SAMMSON: variants seen among roughly 807,000 people sequenced by gnomAD.
SAMMSON encodes the protein survival associated mitochondrial melanoma specific oncogenic non-coding RNA, also known as long intergenic non-protein coding RNA 1212.
intron 4 of SAMMSON, among the ~76,000 whole-genome samples, chr3:70,106,658 A>C (rs921745051): frequency 3.3e-4 from 50 of 151,996 alleles, no homozygotes; most frequent in African/African-American, 1.2e-3. Context: ...CATTTGTAAC[A>C]AGCTCCCAGG....
chr3:70,089,787 T>A (rs1443700340), intron 4 of SAMMSON, among the ~76,000 whole-genome samples: 2 of 152,100 alleles, frequency 1.3e-5, no homozygotes, highest in African/African-American at 4.8e-5. Flanking sequence ...TCGCAAGGTT[T>A]AAAAAAAGTA....
At chr3:70,357,231 G>A (rs1206582870) in intron 8 of SAMMSON, among the ~76,000 whole-genome samples, 4 of 152,014 alleles carry the variant, frequency 2.6e-5, no homozygotes, top group Admixed American at 6.6e-5. Context: ...TTCAGCTTCC[G>A]TTTTCCTGAT....
chr3:70,029,062 T>C (rs1390069960), intron 3 of SAMMSON, among the ~76,000 whole-genome samples: 1 of 152,210 alleles, frequency 6.6e-6, no homozygotes, highest in African/African-American at 2.4e-5. Flanking sequence ...TTATACCATA[T>C]TGCAGGTGCA....
intron 4 of SAMMSON, among the ~76,000 whole-genome samples, chr3:70,088,126 G>A (rs2067292355): frequency 6.6e-6 from 1 of 152,060 alleles, no homozygotes; most frequent in South Asian, 2.1e-4. Context: ...CTTCACTTAG[G>A]GTCTCCAAAT....
chr3:70,399,877 A>AAC lies in SAMMSON; in HGVS notation n.233+41553_233+41554insAC, dbSNP rs1553662533. Among the ~76,000 whole-genome samples, 8 of 149,106 alleles carry AAC rather than the reference A, an allele frequency of 5.4e-5. No individual in the cohort carries two copies. The East Asian group carries it at 1.4e-3, about 25-fold the overall frequency. Reference sequence around the variant, plus strand: ...CTCAAAAAAAAAAAACAAAAAAAAAACAAAAAAACCCACCAAACCAAAACA... The same window carrying AAC: ...CTCAAAAAAAAAAAACAAAAAAAAAAACCAAAAAAACCCACCAAACCAAAACA... On this transcript the variant is annotated intron_variant and non_coding_transcript_variant, in intron 2 of 3. Transcript: ENST00000641053.
intron 9 of SAMMSON, among the ~76,000 whole-genome samples, chr3:70,364,125 A>T (rs1446055108): frequency 6.6e-6 from 1 of 151,898 alleles, no homozygotes; most frequent in African/African-American, 2.4e-5. Context: ...TTCTTTGCAC[A>T]TAATTCCTGC....
intron 7 of SAMMSON, among the ~76,000 whole-genome samples, chr3:70,341,449 C>A (rs1449895770): frequency 6.6e-6 from 1 of 152,072 alleles, no homozygotes; most frequent in Non-Finnish European, 1.5e-5. Context: ...GTTTCTATCC[C>A]AGGCCAGAGG....
chr3:70,079,993 C>T (rs2067262238), intron 4 of SAMMSON, among the ~76,000 whole-genome samples: 2 of 152,218 alleles, frequency 1.3e-5, no homozygotes, highest in African/African-American at 4.8e-5. Context: ...GCAATTTATG[C>T]TCCCGAATGC....
chr3:70,179,770 A>G (rs1214009711), intron 4 of SAMMSON, among the ~76,000 whole-genome samples: 1 of 152,044 alleles, frequency 6.6e-6, no homozygotes, highest in African/African-American at 2.4e-5. Context: ...TCTGTTCTAT[A>G]TCTGAATGGG....
intron 4 of SAMMSON, among the ~76,000 whole-genome samples, chr3:70,103,646 G>A (rs2067354564): frequency 6.6e-6 from 1 of 152,106 alleles, no homozygotes; most frequent in South Asian, 2.1e-4. Flanking sequence ...TACTGCACAA[G>A]ATAGCCCACT....
At chr3:70,146,166 A>G (rs2067547952) in intron 4 of SAMMSON, among the ~76,000 whole-genome samples, 1 of 152,060 alleles carries the variant, frequency 6.6e-6, no homozygotes, top group Non-Finnish European at 1.5e-5. Context: ...TTCTACTATT[A>G]AAGATATTGA....
Position 70,168,176 on chromosome 3 carries a change from A to T in SAMMSON, n.508-80931A>T, listed in dbSNP as rs141148548. On this transcript the variant is annotated intron_variant and non_coding_transcript_variant, in intron 4 of 9. Coordinates refer to ENST00000642114, the Ensembl canonical transcript of SAMMSON. The stretch of plus-strand genomic sequence containing the variant: ...GGAGCATTAGATAGCTGGGTTCACA[A>T]GTCAAGGGCACAGGTTCAATCATCA... Among the ~76,000 whole-genome samples the T allele has an allele frequency of 9.5e-3, 1,445 of 152,102 alleles. 10 individuals are homozygous for T. Among genetic ancestry groups the T allele is most frequent in the Non-Finnish European group, 0.014 (936 of 67,958 alleles).
At chr3:70,048,754 TATTTAATGCAG>T (rs1308099561) in intron 3 of SAMMSON, among the ~76,000 whole-genome samples, 3 of 152,144 alleles carry the variant, frequency 2.0e-5, no homozygotes, top group Non-Finnish European at 2.9e-5. Flanking sequence ...TGCATTATAT[TATTTAATGCAG>T]ATCACAGCCC....
intron 2 of SAMMSON, among the ~76,000 whole-genome samples, chr3:70,429,369 C>G (rs1701395838): frequency 6.6e-6 from 1 of 152,102 alleles, no homozygotes; most frequent in Admixed American, 6.6e-5. Flanking sequence ...GTTACCATAG[C>G]TTTGTAGTAT....
chr3:70,388,877 A>C (rs1701015073), intron 9 of SAMMSON, among the ~76,000 whole-genome samples: 1 of 152,042 alleles, frequency 6.6e-6, no homozygotes, highest in Admixed American at 6.6e-5. Flanking sequence ...TTGATCCCTA[A>C]TGTGGCAGTG....
intron 6 of SAMMSON, among the ~76,000 whole-genome samples, chr3:70,265,554 T>C (rs182767247): frequency 2.0e-5 from 3 of 152,164 alleles, no homozygotes; most frequent in African/African-American, 7.2e-5. Flanking sequence ...CTCAGGACTT[T>C]TAGGGTGGGG....
At chr3:70,070,674 CTTGTTAGATT>C (rs796344616) in intron 3 of SAMMSON, among the ~76,000 whole-genome samples, 10 of 151,610 alleles carry the variant, frequency 6.6e-5, no homozygotes, top group African/African-American at 2.4e-4. Context: ...TTAAAGCTTA[CTTGTTAGATT>C]TAATTTTTAA....
intron 3 of SAMMSON, among the ~76,000 whole-genome samples, chr3:70,051,331 A>G (rs192924398): frequency 2.7e-4 from 41 of 150,366 alleles, no homozygotes; most frequent in Admixed American, 1.8e-3. Context: ...TTCAAGATGT[A>G]CATAAGGATT....
intron 4 of SAMMSON, among the ~76,000 whole-genome samples, chr3:70,237,977 A>ATTTTTTTTTTTTTTTTTT (rs1251005797): frequency 2.3e-4 from 3 of 13,004 alleles, no homozygotes; most frequent in African/African-American, 1.5e-3. Flanking sequence ...ATTGAGTGGT[A>ATTTTTTTTTTTTTTTTTT]TCTTTTTTTT....
Sources: allele counts gnomAD v4.1 joint callset (sites outside exome capture counted in the v4.1 genomes callset), GRCh38; gene constraint gnomAD v4.1.1; transcripts MANE v1.5; gene names NCBI Gene and HGNC (gene_info 2026-07-23, HGNC 2026-07-21).